FHIT: variants seen among roughly 807,000 people sequenced by gnomAD.
FHIT encodes the protein bis(5'-adenosyl)-triphosphatase.
In FHIT, 19 loss-of-function variants were observed where a neutral mutation model predicts 17.9. The ratio of observed to expected loss-of-function variants is 1.06; its 90% CI spans 0.74 to 1.56. The LOEUF (loss-of-function observed/expected upper bound fraction) is 1.56. Among genes scored for constraint, FHIT ranks in the 40% most tolerant of loss-of-function variants. FHIT has a pLI of 0.00. For missense variants in FHIT, 248 were observed against 189.2 expected (o/e 1.31, Z -1.82); for synonymous variants, 81 against 69.7 (o/e 1.16, Z -0.81).
At chr3:60,080,031 G>A (rs969032994) in intron 5 of FHIT, among the ~76,000 whole-genome samples, 2 of 151,760 alleles carry the variant, frequency 1.3e-5, no homozygotes, top group Non-Finnish European at 2.9e-5. Flanking sequence ...ACTCAATCTG[G>A]GTTAATTTAC....
Position 60,822,911 on chromosome 3 carries a change from C to T in FHIT, c.-110-900G>A, listed in dbSNP as rs190097490. ...TGCTCTGACCTCTACCTCTGGGTTT[C>T]CTTCATGTACACTTCTTTGAAATAA... On this transcript the variant is annotated intron_variant, in intron 3 of 9. Transcript: ENST00000492590. 4.3e-4 allele frequency among the ~76,000 whole-genome samples: 66 copies of T among 152,266 alleles called. 1 individual carries two copies. The East Asian group carries it at 0.012, about 27-fold the overall frequency.
intron 3 of FHIT, among the ~76,000 whole-genome samples, chr3:60,948,578 G>C (rs1480940218): frequency 6.6e-5 from 10 of 152,148 alleles, no homozygotes; most frequent in Non-Finnish European, 1.3e-4. Flanking sequence ...GGGACAAGAA[G>C]ACTCAAAACA....
At chr3:59,902,917 T>C (rs1195591832) in intron 8 of FHIT, among the ~76,000 whole-genome samples, 1 of 152,186 alleles carries the variant, frequency 6.6e-6, no homozygotes, top group Non-Finnish European at 1.5e-5. Context: ...TACTTGAAAT[T>C]TGCTGAGAGA....
intron 5 of FHIT, among the ~76,000 whole-genome samples, chr3:60,166,440 T>C (rs1701179842): frequency 6.6e-6 from 1 of 152,178 alleles, no homozygotes; most frequent in Non-Finnish European, 1.5e-5. Context: ...ATTATAAACA[T>C]ACATCCAATA....
At chr3:60,361,114 G>T (rs1053715772) in intron 5 of FHIT, among the ~76,000 whole-genome samples, 14 of 152,150 alleles carry the variant, frequency 9.2e-5, no homozygotes, top group African/African-American at 2.9e-4. Flanking sequence ...CCAATAAACA[G>T]TTACTGGATA....
intron 2 of FHIT, among the ~76,000 whole-genome samples, chr3:61,093,130 A>C (rs1328190480): frequency 6.6e-6 from 1 of 152,242 alleles, no homozygotes; most frequent in Non-Finnish European, 1.5e-5. Context: ...CTGTAAATGA[A>C]GTAAACAACG....
chr3:60,097,637 G>T (rs1418514153), intron 5 of FHIT, among the ~76,000 whole-genome samples: 1 of 151,590 alleles, frequency 6.6e-6, no homozygotes, highest in African/African-American at 2.4e-5. Context: ...CCACTTAATA[G>T]TAATTATAAT....
At chr3:60,026,273 A>G (rs1191209818) in intron 5 of FHIT, among the ~76,000 whole-genome samples, 3 of 152,084 alleles carry the variant, frequency 2.0e-5, no homozygotes, top group Admixed American at 6.6e-5. Flanking sequence ...AAATAATAGC[A>G]TATTTCACAC....
chr3:60,471,986 A>G (rs1408269104), intron 5 of FHIT, among the ~76,000 whole-genome samples: 1 of 152,212 alleles, frequency 6.6e-6, no homozygotes, highest in Non-Finnish European at 1.5e-5. Context: ...CCACAATTAC[A>G]TAGTGAGTTT....
At chr3:60,032,994 T>C (rs758061542) in intron 5 of FHIT, among the ~76,000 whole-genome samples, 8 of 152,088 alleles carry the variant, frequency 5.3e-5, no homozygotes, top group Non-Finnish European at 8.8e-5. Context: ...ATCCGTACTA[T>C]AGAACAGTCT....
intron 5 of FHIT, among the ~76,000 whole-genome samples, chr3:60,437,107 C>T (rs746107756): frequency 7.2e-5 from 11 of 152,048 alleles, no homozygotes; most frequent in Admixed American, 1.3e-4. Flanking sequence ...AAGTTTAGTA[C>T]AACTTTCTGG....
intron 5 of FHIT, among the ~76,000 whole-genome samples, chr3:60,534,290 G>T (rs543244320): frequency 6.7e-6 from 1 of 149,534 alleles, no homozygotes; most frequent in Non-Finnish European, 1.5e-5. Flanking sequence ...AAAATTAGCC[G>T]GGCGCGGTGG....
At chr3:60,098,023 T>A (rs945124515) in intron 5 of FHIT, among the ~76,000 whole-genome samples, 2 of 151,956 alleles carry the variant, frequency 1.3e-5, no homozygotes, top group African/African-American at 4.8e-5. Flanking sequence ...GTTTCATCCA[T>A]GTCCCTGCAA....
chr3:59,935,766 C>G (rs1706205018), intron 7 of FHIT, among the ~76,000 whole-genome samples: 1 of 151,820 alleles, frequency 6.6e-6, no homozygotes, highest in Non-Finnish European at 1.5e-5. Flanking sequence ...CAGATAGGTG[C>G]ATGGATGGAT....
At chr3:60,166,852 A>G (rs879855029) in intron 5 of FHIT, among the ~76,000 whole-genome samples, 1 of 152,146 alleles carries the variant, frequency 6.6e-6, no homozygotes, top group Non-Finnish European at 1.5e-5. Context: ...CTAGGGTGAG[A>G]AGGAGAGAAT....
Position 60,782,237 on chromosome 3 carries a change from G to GTGTATA in FHIT, c.-18+39681_-18+39682insTATACA, listed in dbSNP as rs1553725880. On this transcript the variant is annotated intron_variant, in intron 4 of 9. Transcript: ENST00000492590. The stretch of plus-strand genomic sequence containing the variant: ...TATTTCATTGTGTGTGTGTGTGTGT[G>GTGTATA]TATATATATATATATATCACATTTT... 2.6e-3 allele frequency among the ~76,000 whole-genome samples: 252 copies of GTGTATA among 95,586 alleles called. 3 individuals are homozygous for GTGTATA. The highest frequency in any genetic ancestry group is 8.3e-3 in the African/African-American group (234 of 28,306). 62.7% of individuals were successfully genotyped at this position (95,586 alleles called of 152,430 possible).
chr3:60,849,137 C>T (rs1257817011), intron 3 of FHIT, among the ~76,000 whole-genome samples: 1 of 151,898 alleles, frequency 6.6e-6, no homozygotes. Context: ...TAGATTTTCA[C>T]ATGTTAACCT....
chr3:60,583,299 T>C (rs2037806479), intron 4 of FHIT, among the ~76,000 whole-genome samples: 1 of 152,044 alleles, frequency 6.6e-6, no homozygotes, highest in South Asian at 2.1e-4. Context: ...CTTCAGCCGC[T>C]GTACAGAACC....
At chr3:60,146,269 G>A (rs1348344797) in intron 5 of FHIT, among the ~76,000 whole-genome samples, 2 of 151,492 alleles carry the variant, frequency 1.3e-5, no homozygotes, top group African/African-American at 2.4e-5. Context: ...AAGGGCAGGG[G>A]GTAGGAGGGG....
Sources: allele counts gnomAD v4.1 joint callset (sites outside exome capture counted in the v4.1 genomes callset), GRCh38; gene constraint gnomAD v4.1.1; transcripts MANE v1.5; gene names NCBI Gene and HGNC (gene_info 2026-07-23, HGNC 2026-07-21).